Variants in KCNH8 observed in about 807,000 individuals in gnomAD.
The protein encoded by KCNH8 is potassium voltage-gated channel subfamily H member 8, also known as voltage-gated delayed rectifier potassium channel KCNH8.
KCNH8 carries 70 observed loss-of-function variants against 103.6 expected under a neutral mutation model. The ratio of observed to expected loss-of-function variants is 0.68; its 90% CI spans 0.56 to 0.82. KCNH8 has a LOEUF of 0.82. KCNH8 is among the 40% of genes least tolerant of loss of function. The probability of loss-of-function intolerance (pLI) is 0.00; values close to 1 mark genes in which losing one functional copy is unlikely to be tolerated. For synonymous variants in KCNH8, 498 were observed against 489.4 expected (o/e 1.02, Z -0.23); for missense variants, 1,217 against 1,329.9 (o/e 0.92, Z 1.32).
At chr3:19,367,412 A>G (rs945445619) in intron 5 of KCNH8, among the ~76,000 whole-genome samples, 4 of 146,458 alleles carry the variant, frequency 2.7e-5, no homozygotes, top group African/African-American at 1.0e-4. Flanking sequence ...ATATTTATAT[A>G]TATATCAGAA....
Position 19,478,940 on chromosome 3 carries a change from C to A in KCNH8, c.2040+21958C>A, listed in dbSNP as rs2068030109. Among the ~76,000 whole-genome samples, 2 of 152,124 alleles carry A rather than the reference C, an allele frequency of 1.3e-5. 1 individual carries two copies. Among genetic ancestry groups the A allele is most frequent in the South Asian group, 4.1e-4 (2 of 4,832 alleles). ...TAGGGATTATGTTAGCGGAGAACTG[C>A]TGGACATATAACACTGTAAATGACT... On this transcript the variant is annotated intron_variant, in intron 11 of 15. Transcript: ENST00000328405.
intron 5 of KCNH8, among the ~76,000 whole-genome samples, chr3:19,367,629 C>T (rs1460366409): frequency 2.0e-5 from 3 of 151,672 alleles, no homozygotes; most frequent in Non-Finnish European, 4.4e-5. Context: ...ACATATGTCT[C>T]CTTACCAGCA....
chr3:19,320,460 T>C (rs765350208), intron 3 of KCNH8, among the ~76,000 whole-genome samples: 5 of 152,054 alleles, frequency 3.3e-5, no homozygotes, highest in Non-Finnish European at 5.9e-5. Flanking sequence ...GTGTATCATA[T>C]CTATTTACCT....
chr3:19,193,374 C>A (rs1056824148), intron 1 of KCNH8, among the ~76,000 whole-genome samples: 1 of 151,546 alleles, frequency 6.6e-6, no homozygotes, highest in Non-Finnish European at 1.5e-5. Context: ...TTCAGTCATG[C>A]CATTCTCTCC....
intron 2 of KCNH8, among the ~76,000 whole-genome samples, chr3:19,260,050 A>G (rs938012099): frequency 2.0e-5 from 3 of 151,682 alleles, no homozygotes; most frequent in African/African-American, 7.3e-5. Context: ...AAAAGAGGAG[A>G]AAAGGGGAGA....
chr3:19,409,557 A>G (rs2066744139), intron 7 of KCNH8, among the ~76,000 whole-genome samples: 1 of 152,152 alleles, frequency 6.6e-6, no homozygotes, highest in African/African-American at 2.4e-5. Context: ...GATCCACTTA[A>G]AAGTCACAGA....
At chr3:19,289,402 G>C (rs11128914) in intron 3 of KCNH8, among the ~76,000 whole-genome samples, 5 of 152,052 alleles carry the variant, frequency 3.3e-5, no homozygotes, top group Admixed American at 3.3e-4. Context: ...TAATTTTTGT[G>C]TAAGGTGTAA....
chr3:19,248,587 G>A (rs888436093), intron 1 of KCNH8, among the ~76,000 whole-genome samples: 2 of 152,156 alleles, frequency 1.3e-5, no homozygotes, highest in African/African-American at 2.4e-5. Context: ...TAGCGAGCAA[G>A]TCAGTTCTTT....
rs753132835 is a variant in KCNH8 at position 19,513,245 on chromosome 3, C to T, written c.2355C>T (p.Asn785=). Residue 785 remains asparagine (N), a synonymous_variant, in exon 13 of 16, where the codon AAC becomes AAT. Coordinates refer to ENST00000328405, the MANE Select transcript of KCNH8 (RefSeq NM_144633.3). Reference sequence around the variant, plus strand: ...CCAAGCAGGAAATTGACCCCCCCAACCATAATAAAAGGAAAGAGAAGAACT... The same window carrying T: ...CCAAGCAGGAAATTGACCCCCCCAATCATAATAAAAGGAAAGAGAAGAACT... ...PKTKQEIDPP[N]HNKRKEKNLK... 1.2e-6 allele frequency: 2 copies of T among 1,613,720 alleles called. No homozygotes were observed. The highest frequency in any genetic ancestry group is 1.7e-5 in the Admixed American group (1 of 59,920).
intron 7 of KCNH8, among the ~76,000 whole-genome samples, chr3:19,431,999 G>A (rs554964971): frequency 7.3e-6 from 1 of 136,634 alleles, no homozygotes; most frequent in South Asian, 2.4e-4. Flanking sequence ...TACTCCTTCA[G>A]TTCGCCTCTG....
At chr3:19,432,061 A>G (rs1405655219) in intron 7 of KCNH8, among the ~76,000 whole-genome samples, 5 of 151,544 alleles carry the variant, frequency 3.3e-5, no homozygotes. Context: ...CTCTTGGTAG[A>G]ACAGTTTCAA....
Position 19,462,741 on chromosome 3 carries a change from C to T in KCNH8, c.2040+5759C>T, listed in dbSNP as rs191355915. Among the ~76,000 whole-genome samples the T allele has an allele frequency of 1.1e-3, 163 of 152,212 alleles. No homozygotes were observed. In the East Asian group the frequency reaches 0.012, roughly 11 times the overall value. ...CATGCTTATGTCCTGAATGGTATTC[C>T]CTAGGTTTTCTTCTAGGGGTTTTAT... On this transcript the variant is annotated intron_variant, in intron 11 of 15. Transcript: ENST00000328405.
intron 7 of KCNH8, among the ~76,000 whole-genome samples, chr3:19,417,570 T>A (rs2125153162): frequency 6.6e-6 from 1 of 152,106 alleles, no homozygotes; most frequent in Non-Finnish European, 1.5e-5. Context: ...ATGTAAGACC[T>A]CAAATCTTCA....
At chr3:19,361,812 T>G (rs575511553) in intron 5 of KCNH8, among the ~76,000 whole-genome samples, 69 of 152,298 alleles carry the variant, frequency 4.5e-4, no homozygotes, top group African/African-American at 1.5e-3. Context: ...ATACCCAAAT[T>G]TTTCTATCTC....
chr3:19,414,346 C>G (rs1002712637), intron 7 of KCNH8, among the ~76,000 whole-genome samples: 1 of 151,306 alleles, frequency 6.6e-6, no homozygotes, highest in Non-Finnish European at 1.5e-5. Context: ...AAAGTCACCA[C>G]TAAATAAAAT....
intron 11 of KCNH8, among the ~76,000 whole-genome samples, chr3:19,495,715 T>A (rs1045092982): frequency 3.0e-5 from 4 of 132,080 alleles, no homozygotes; most frequent in Non-Finnish European, 6.8e-5. Context: ...CAAATTTAAA[T>A]TTTTTTTTTT....
chr3:19,362,859 T>C (rs765001602), intron 5 of KCNH8, among the ~76,000 whole-genome samples: 2 of 152,030 alleles, frequency 1.3e-5, no homozygotes, highest in Non-Finnish European at 2.9e-5. Context: ...GGTTTCCCCA[T>C]TTTGCCTAGG....
intron 3 of KCNH8, among the ~76,000 whole-genome samples, chr3:19,324,824 G>GA (rs140945693): frequency 8.0e-5 from 12 of 149,236 alleles, no homozygotes; most frequent in Non-Finnish European, 1.3e-4. Flanking sequence ...CACAGAACTA[G>GA]AAAAAAAAAA....
intron 1 of KCNH8, among the ~76,000 whole-genome samples, chr3:19,164,857 A>C (rs1439918537): frequency 1.3e-5 from 2 of 152,216 alleles, no homozygotes; most frequent in Non-Finnish European, 2.9e-5. Flanking sequence ...GTAATAACCC[A>C]CTGGTGTTGG....
Sources: allele counts gnomAD v4.1 joint callset (sites outside exome capture counted in the v4.1 genomes callset), GRCh38; gene constraint gnomAD v4.1.1; transcripts MANE v1.5; gene names NCBI Gene and HGNC (gene_info 2026-07-23, HGNC 2026-07-21).